PXDNL: variants seen among roughly 807,000 people sequenced by gnomAD.
PXDNL encodes probable oxidoreductase PXDNL.
In PXDNL, 145 loss-of-function variants were observed where a neutral mutation model predicts 150.8. That is an observed-to-expected ratio of 0.96 (90% CI 0.84 to 1.10). The LOEUF (loss-of-function observed/expected upper bound fraction) is 1.10, where lower values mean the gene tolerates loss of function less well. PXDNL is among the 50% of genes least tolerant of loss of function. The pLI, the probability that PXDNL is intolerant of heterozygous loss-of-function variation, is 0.00. For missense variants in PXDNL, 2,087 were observed against 1,873.9 expected (o/e 1.11, Z -2.10); for synonymous variants, 757 against 725.7 (o/e 1.04, Z -0.69).
chr8:51,607,584 T>A (rs1230199281), intron 2 of PXDNL, among the ~76,000 whole-genome samples: 3 of 151,874 alleles, frequency 2.0e-5, no homozygotes, highest in Admixed American at 6.6e-5. Context: ...CTCATGCCTG[T>A]AATCCCAGCA....
chr8:51,380,747 CAATT>C (rs1807506318), intron 17 of PXDNL, among the ~76,000 whole-genome samples: 1 of 152,136 alleles, frequency 6.6e-6, no homozygotes, highest in Non-Finnish European at 1.5e-5. Flanking sequence ...ATGCTTCTAA[CAATT>C]AATGCTTACA....
chr8:51,320,782 A>G lies in PXDNL; in HGVS notation c.4260+2T>C, dbSNP rs755364527. On this transcript the variant is annotated splice_donor_variant, in intron 22 of 22. Coordinates refer to ENST00000356297, the MANE Select transcript of PXDNL (RefSeq NM_144651.5). LOFTEE classifies it high-confidence loss of function. ...TTGGACTGGAAAACTCGCAGCACAA[A>G]CCTCACAAATGCAGTGAGTGCAGTC... 7.4e-6 allele frequency: 12 copies of G among 1,610,764 alleles called. No homozygotes were observed. Among genetic ancestry groups the G allele is most frequent in the Non-Finnish European group, 8.5e-6 (10 of 1,177,304 alleles).
chr8:51,447,483 T>C (rs1809702549), intron 11 of PXDNL, among the ~76,000 whole-genome samples: 1 of 152,228 alleles, frequency 6.6e-6, no homozygotes, highest in Non-Finnish European at 1.5e-5. Context: ...CCAATCTGAT[T>C]CTTAAATTTG....
At chr8:51,552,929 G>A (rs77876895) in intron 4 of PXDNL, among the ~76,000 whole-genome samples, 3,998 of 152,282 alleles carry the variant, frequency 0.026, 98 homozygotes, top group African/African-American at 0.061. Context: ...TTTCCCCACA[G>A]CTGTGAGCCT....
intron 14 of PXDNL, 105 bp downstream of exon 14, chr8:51,423,470 A>C: frequency 1.2e-6 from 1 of 805,906 alleles, no homozygotes; most frequent in African/African-American, 1.8e-5. Context: ...GACCAGAAAG[A>C]AAGTATAAGA....
At chr8:51,482,695 A>C (rs1585510518) in intron 6 of PXDNL, among the ~76,000 whole-genome samples, 1 of 152,144 alleles carries the variant, frequency 6.6e-6, no homozygotes, top group South Asian at 2.1e-4. Context: ...TGATGGTTTT[A>C]TAAACAGGAG....
At chr8:51,703,431 T>G (rs1335759986) in intron 1 of PXDNL, among the ~76,000 whole-genome samples, 3 of 152,234 alleles carry the variant, frequency 2.0e-5, no homozygotes, top group Non-Finnish European at 2.9e-5. Flanking sequence ...TTAATTTTAT[T>G]GCATTTTTCA....
chr8:51,600,927 T>C (rs1813705400), intron 2 of PXDNL, among the ~76,000 whole-genome samples: 2 of 137,696 alleles, frequency 1.5e-5, no homozygotes, highest in African/African-American at 5.9e-5. Context: ...ATATAAATTA[T>C]ATAATTTATA....
intron 3 of PXDNL, among the ~76,000 whole-genome samples, chr8:51,568,894 C>T (rs1056498081): frequency 7.9e-5 from 12 of 151,890 alleles, no homozygotes; most frequent in African/African-American, 2.4e-4. Flanking sequence ...GTGGGCCCAT[C>T]AAAGTCATTC....
intron 3 of PXDNL, among the ~76,000 whole-genome samples, chr8:51,559,987 C>G (rs9650300): frequency 0.28 from 42,341 of 151,472 alleles, 7,443 homozygotes; most frequent in African/African-American, 0.49. Context: ...GATAGAAATA[C>G]AAAACCTAGA....
intron 1 of PXDNL, among the ~76,000 whole-genome samples, chr8:51,793,887 T>TCAACAA (rs555226011): frequency 2.0e-5 from 3 of 151,010 alleles, no homozygotes; most frequent in African/African-American, 4.9e-5. Context: ...CAAGACTCTG[T>TCAACAA]CAACAACAAC....
At chr8:51,750,053 T>TA (rs2037028659) in intron 1 of PXDNL, among the ~76,000 whole-genome samples, 1 of 152,210 alleles carries the variant, frequency 6.6e-6, no homozygotes. Flanking sequence ...AACCTTAGCT[T>TA]ATGTAACATT....
At chr8:51,349,603 A>C (rs1806271955) in intron 19 of PXDNL, among the ~76,000 whole-genome samples, 1 of 152,218 alleles carries the variant, frequency 6.6e-6, no homozygotes, top group Admixed American at 6.5e-5. Flanking sequence ...GCAGGTGCCT[A>C]GTAAATGCTT....
intron 5 of PXDNL, among the ~76,000 whole-genome samples, chr8:51,487,498 C>G (rs1004213181): frequency 6.6e-6 from 1 of 151,782 alleles, no homozygotes; most frequent in Non-Finnish European, 1.5e-5. Flanking sequence ...TTCTTTAATA[C>G]CAACCATAAA....
chr8:51,633,488 A>G (rs1563489721), intron 2 of PXDNL, among the ~76,000 whole-genome samples: 1 of 152,116 alleles, frequency 6.6e-6, no homozygotes. Context: ...CAGAGACTGA[A>G]CTAATTTACA....
intron 5 of PXDNL, among the ~76,000 whole-genome samples, chr8:51,497,129 C>T (rs552366603): frequency 1.2e-3 from 179 of 152,074 alleles, no homozygotes; most frequent in African/African-American, 3.8e-3. Context: ...GAAATAATGC[C>T]GCATATCTAC....
At chr8:51,369,136 G>A (rs1807014962) in intron 19 of PXDNL, among the ~76,000 whole-genome samples, 1 of 152,182 alleles carries the variant, frequency 6.6e-6, no homozygotes, top group Non-Finnish European at 1.5e-5. Flanking sequence ...CAAGTGTACT[G>A]AGTAGTGACA....
At chr8:51,558,951 C>G (rs1188274803) in intron 3 of PXDNL, among the ~76,000 whole-genome samples, 1 of 151,948 alleles carries the variant, frequency 6.6e-6, no homozygotes, top group African/African-American at 2.4e-5. Context: ...ATTCTTCCCC[C>G]CAATGAGTTC....
intron 6 of PXDNL, among the ~76,000 whole-genome samples, chr8:51,475,715 T>C (rs549478853): frequency 2.0e-5 from 3 of 152,318 alleles, no homozygotes; most frequent in South Asian, 2.1e-4. Context: ...TGCGGTCCTA[T>C]TGATCTCATC....
Sources: gnomAD v4.1 joint callset for allele counts (sites outside exome capture counted in the v4.1 genomes callset) on GRCh38, gnomAD v4.1.1 for gene constraint, MANE v1.5 for transcripts, NCBI Gene and HGNC (gene_info 2026-07-23, HGNC 2026-07-21) for gene names.